ACTR3C: variants seen among roughly 807,000 people sequenced by gnomAD.
ACTR3C encodes actin related protein 3C, also known as actin-related protein 3C.
In ACTR3C, 18 loss-of-function variants were observed where a neutral mutation model predicts 26.3. The ratio of observed to expected loss-of-function variants is 0.68; its 90% confidence interval spans 0.47 to 1.01. ACTR3C has a LOEUF of 1.01. Ranked by LOEUF, ACTR3C falls within the 50% of genes least tolerant of loss-of-function variation. The pLI is 0.00. For synonymous variants in ACTR3C, 55 were observed against 94.5 expected, an observed-to-expected ratio of 0.58 and a Z score of 2.42; for missense variants, 184 against 250.7, an observed-to-expected ratio of 0.73 and a Z score of 1.80.
the ACTR3C span, among the ~76,000 whole-genome samples, chr7:150,105,085 C>CTTTTTTTT: frequency 2.2e-5 from 3 of 138,584 alleles, no homozygotes; most frequent in Non-Finnish European, 1.6e-5. Context: ...TTCTTTTTTT[C>CTTTTTTTT]TTTTTTTTTT....
chr7:150,175,832 A>AAAAAG, the ACTR3C span, among the ~76,000 whole-genome samples: 2 of 145,936 alleles, frequency 1.4e-5, no homozygotes, highest in African/African-American at 5.4e-5. Context: ...AAAAAAAAAA[A>AAAAAG]AAAGAAAGAA....
At chr7:150,105,173 C>G in the ACTR3C span, among the ~76,000 whole-genome samples, 2 of 151,050 alleles carry the variant, frequency 1.3e-5, no homozygotes, top group Non-Finnish European at 3.0e-5. Context: ...AGCTCTGCCT[C>G]CTGGATTCAC....
the ACTR3C span, among the ~76,000 whole-genome samples, chr7:149,896,035 A>C: frequency 8.2e-4 from 12 of 14,652 alleles, no homozygotes; most frequent in East Asian, 0.011. Context: ...CTGTCTCTAC[A>C]AAAAAAAAAA....
chr7:149,944,640 A>G, the ACTR3C span, among the ~76,000 whole-genome samples: 2 of 151,378 alleles, frequency 1.3e-5, no homozygotes, highest in Non-Finnish European at 2.9e-5. Flanking sequence ...TGTGCTGGAC[A>G]GGCAGCAGCT....
the ACTR3C span, among the ~76,000 whole-genome samples, chr7:150,034,822 C>A: frequency 0.011 from 1,637 of 146,136 alleles, 27 homozygotes; most frequent in African/African-American, 0.039. Context: ...GTGGGGGGTG[C>A]CTCCCCCCTC....
downstream of ACTR3C, among the ~76,000 whole-genome samples, chr7:150,240,232 T>C (rs940400946): frequency 1.3e-5 from 2 of 152,210 alleles, no homozygotes; most frequent in Admixed American, 1.3e-4. Flanking sequence ...AAGTGTAGAA[T>C]TCAGTAGTGT....
At chr7:150,250,221 T>TTTTTTTTTTG (rs1832740650) in intron 6 of ACTR3C, among the ~76,000 whole-genome samples, 2 of 146,448 alleles carry the variant, frequency 1.4e-5, no homozygotes, top group African/African-American at 5.4e-5. Flanking sequence ...TTTTTTTTTT[T>TTTTTTTTTTG]GAGACGGAGT....
At chr7:149,932,064 G>A in the ACTR3C span, among the ~76,000 whole-genome samples, 1 of 152,204 alleles carries the variant, frequency 6.6e-6, no homozygotes, top group Non-Finnish European at 1.5e-5. Context: ...CATACCAGCT[G>A]AATAGTGAAA....
intron 1 of ACTR3C, among the ~76,000 whole-genome samples, chr7:150,307,246 G>T (rs865968572): frequency 5.3e-5 from 8 of 152,170 alleles, no homozygotes; most frequent in African/African-American, 1.9e-4. Context: ...TTCATGTCAG[G>T]CCTCTGAGCC....
downstream of ACTR3C, among the ~76,000 whole-genome samples, chr7:150,239,500 G>T (rs1832049946): frequency 9.2e-6 from 1 of 108,306 alleles, no homozygotes; most frequent in Non-Finnish European, 1.7e-5. Flanking sequence ...AAACATAAAA[G>T]TTGCTCGCTC....
the ACTR3C span, among the ~76,000 whole-genome samples, chr7:149,974,148 C>T: frequency 3.5e-5 from 4 of 114,480 alleles, no homozygotes; most frequent in African/African-American, 1.1e-4. Flanking sequence ...AAGAATACAG[C>T]GACATACAAG....
At chr7:150,195,107 G>GTA in the ACTR3C span, among the ~76,000 whole-genome samples, 8,559 of 138,410 alleles carry the variant, frequency 0.062, 749 homozygotes, top group African/African-American at 0.21. Flanking sequence ...ATACATATAT[G>GTA]TATATATATA....
chr7:149,897,983 T>C, the ACTR3C span, among the ~76,000 whole-genome samples: 1 of 152,224 alleles, frequency 6.6e-6, no homozygotes, highest in Admixed American at 6.5e-5. Context: ...CAGAAATCAC[T>C]TTCCCCACCT....
At chr7:150,251,076 A>G (rs906251261) in intron 6 of ACTR3C, among the ~76,000 whole-genome samples, 6 of 152,198 alleles carry the variant, frequency 3.9e-5, no homozygotes, top group African/African-American at 7.2e-5. Flanking sequence ...TTCTCCCTAT[A>G]GCACCTGGCA....
chr7:150,239,534 C>CTATATATA (rs1176995983), downstream of ACTR3C, among the ~76,000 whole-genome samples: 23 of 118,398 alleles, frequency 1.9e-4, no homozygotes, highest in Admixed American at 4.4e-4. Flanking sequence ...CTCTCTCTCT[C>CTATATATA]TCTCTCTATA....
At chr7:150,044,065 T>C in the ACTR3C span, among the ~76,000 whole-genome samples, 1 of 152,160 alleles carries the variant, frequency 6.6e-6, no homozygotes, top group Non-Finnish European at 1.5e-5. Flanking sequence ...CCTGTTGTCA[T>C]CACATTTGTA....
chr7:150,207,843 T>C, the ACTR3C span, among the ~76,000 whole-genome samples: 1 of 151,460 alleles, frequency 6.6e-6, no homozygotes, highest in Non-Finnish European at 1.5e-5. Context: ...TTATTCAATA[T>C]ATTTAGCATA....
At chr7:150,138,433 A>G in the ACTR3C span, among the ~76,000 whole-genome samples, 1 of 152,248 alleles carries the variant, frequency 6.6e-6, no homozygotes, top group East Asian at 1.9e-4. Context: ...CCATTGGAGC[A>G]CAAAGAAACA....
the ACTR3C span, among the ~76,000 whole-genome samples, chr7:150,166,866 C>CT: frequency 2.0e-5 from 3 of 150,374 alleles, no homozygotes; most frequent in Non-Finnish European, 4.4e-5. Context: ...ATGAAATCAA[C>CT]TTTTTTAGCT....
Sources: gnomAD v4.1 joint callset for allele counts (sites outside exome capture counted in the v4.1 genomes callset) on GRCh38, gnomAD v4.1.1 for gene constraint, MANE v1.5 for transcripts, NCBI Gene and HGNC (gene_info 2026-07-23, HGNC 2026-07-21) for gene names.